VWA8: variants seen among roughly 807,000 people sequenced by gnomAD.
VWA8 encodes the protein von Willebrand factor A domain containing 8.
Under a neutral mutation model 241.5 loss-of-function variants are expected in VWA8, and 221 were observed. The ratio of observed to expected loss-of-function variants is 0.91; its 90% CI spans 0.82 to 1.02. The LOEUF (loss-of-function observed/expected upper bound fraction) is 1.02. VWA8 is among the 50% of genes least tolerant of loss of function. The probability of loss-of-function intolerance (pLI) is 0.00; values close to 1 mark genes in which losing one functional copy is unlikely to be tolerated. For missense variants in VWA8, 2,322 were observed against 2,328.7 expected (o/e 1.00, Z 0.06); for synonymous variants, 852 against 827.1 (o/e 1.03, Z -0.52).
chr13:41,784,017 T>C lies in VWA8; in HGVS notation c.2171-116A>G. The C allele has an allele frequency of 5.7e-6, 4 of 706,668 alleles. No homozygotes were observed. The South Asian group carries it at 7.0e-5, about 12-fold the overall frequency. 43.8% of individuals were successfully genotyped at this position (706,668 alleles called of 1,614,324 possible). A position where few individuals can be genotyped will look rare whatever the true frequency, so the allele number is the denominator to read the frequency against. On this transcript the variant is annotated intron_variant, in intron 18 of 44. Coordinates refer to ENST00000379310, the MANE Select transcript of VWA8 (RefSeq NM_015058.2). ...AATATCTGTGGATTTTAATTTAACA[T>C]CTAAAGAAATAAGCTGGAGAGTAGT...
chr13:41,683,678 G>A (rs2045115776), intron 35 of VWA8, among the ~76,000 whole-genome samples: 1 of 152,146 alleles, frequency 6.6e-6, no homozygotes, highest in African/African-American at 2.4e-5. Flanking sequence ...GAAAAGAGTG[G>A]AAGAGGTAAC....
chr13:41,780,987 C>A (rs1403466465), intron 19 of VWA8, among the ~76,000 whole-genome samples: 1 of 152,206 alleles, frequency 6.6e-6, no homozygotes, highest in Admixed American at 6.5e-5. Flanking sequence ...GTCCTCTCCA[C>A]TCTGTCCCCA....
intron 37 of VWA8, among the ~76,000 whole-genome samples, chr13:41,670,198 A>G (rs1402252733): frequency 6.6e-6 from 1 of 152,092 alleles, no homozygotes; most frequent in Non-Finnish European, 1.5e-5. Context: ...TAAGAAAGTA[A>G]CGTGAACAGG....
chr13:41,868,550 A>C, intron 9 of VWA8, 73 bp from the exon 10 acceptor site: 2 of 1,470,838 alleles, frequency 1.4e-6, no homozygotes, highest in Non-Finnish European at 1.8e-6. Flanking sequence ...GACAGATTAC[A>C]CCTTAATTAC....
chr13:41,717,725 T>A (rs2045356622), intron 26 of VWA8, among the ~76,000 whole-genome samples: 1 of 152,058 alleles, frequency 6.6e-6, no homozygotes, highest in Admixed American at 6.6e-5. Context: ...TTATTGCAAT[T>A]AACAGATGAG....
chr13:41,813,315 A>G (rs1486084266), intron 16 of VWA8, among the ~76,000 whole-genome samples: 4 of 152,196 alleles, frequency 2.6e-5, no homozygotes, highest in Non-Finnish European at 5.9e-5. Context: ...AAAGTCCTAC[A>G]GTAAGGTTAT....
intron 21 of VWA8, among the ~76,000 whole-genome samples, chr13:41,737,305 A>T (rs2045533482): frequency 6.6e-6 from 1 of 152,244 alleles, no homozygotes; most frequent in Non-Finnish European, 1.5e-5. Context: ...ACCTATTTTA[A>T]AATGAGTAAT....
chr13:41,600,804 C>T (rs1183275590), intron 40 of VWA8, among the ~76,000 whole-genome samples: 1 of 152,114 alleles, frequency 6.6e-6, no homozygotes, highest in Non-Finnish European at 1.5e-5. Context: ...TCCCTTCCCT[C>T]GCATTCAGTG....
At chr13:41,729,201 T>G (rs1428555679) in intron 23 of VWA8, among the ~76,000 whole-genome samples, 1 of 152,010 alleles carries the variant, frequency 6.6e-6, no homozygotes, top group Non-Finnish European at 1.5e-5. Context: ...AAGTCCAGCT[T>G]TTTTTATTAT....
intron 5 of VWA8, among the ~76,000 whole-genome samples, chr13:41,890,504 A>C (rs1245198233): frequency 1.3e-5 from 2 of 152,200 alleles, no homozygotes; most frequent in East Asian, 3.8e-4. Flanking sequence ...CCCATCTCCC[A>C]AGCCTCTGAA....
chr13:41,867,290 C>T (rs938036471), intron 10 of VWA8, among the ~76,000 whole-genome samples: 1 of 152,182 alleles, frequency 6.6e-6, no homozygotes, highest in African/African-American at 2.4e-5. Context: ...TTCCCTATTC[C>T]GTCTCCTGAA....
intron 17 of VWA8, among the ~76,000 whole-genome samples, chr13:41,792,345 T>C (rs1869497847): frequency 6.6e-6 from 1 of 151,920 alleles, no homozygotes; most frequent in Non-Finnish European, 1.5e-5. Flanking sequence ...GTGGGATAAA[T>C]TGGAAAATCT....
At chr13:41,748,142 T>A (rs2045624748) in intron 21 of VWA8, among the ~76,000 whole-genome samples, 1 of 152,246 alleles carries the variant, frequency 6.6e-6, no homozygotes, top group Admixed American at 6.5e-5. Context: ...TCCCTCTTTT[T>A]CTATTGATTG....
intron 14 of VWA8, among the ~76,000 whole-genome samples, chr13:41,823,999 G>A (rs1871074004): frequency 6.6e-6 from 1 of 152,128 alleles, no homozygotes; most frequent in Non-Finnish European, 1.5e-5. Context: ...GTTCACATAA[G>A]GAAACACTGC....
chr13:41,834,353 G>T (rs1055637783), intron 12 of VWA8, among the ~76,000 whole-genome samples: 1 of 152,154 alleles, frequency 6.6e-6, no homozygotes, highest in African/African-American at 2.4e-5. Context: ...GCAAAGAAAA[G>T]TTAAACACAT....
intron 15 of VWA8, among the ~76,000 whole-genome samples, chr13:41,818,973 C>A (rs1231332554): frequency 1.3e-5 from 2 of 152,094 alleles, no homozygotes; most frequent in African/African-American, 2.4e-5. Flanking sequence ...AATATAGCAT[C>A]CCAGATCTAC....
At chr13:41,815,567 T>C (rs1214974512) in intron 16 of VWA8, among the ~76,000 whole-genome samples, 1 of 152,210 alleles carries the variant, frequency 6.6e-6, no homozygotes, top group East Asian at 1.9e-4. Flanking sequence ...CAAGGAATGC[T>C]GGCAGCCACC....
chr13:41,838,658 C>T (rs576639205), intron 12 of VWA8, among the ~76,000 whole-genome samples: 26 of 151,982 alleles, frequency 1.7e-4, no homozygotes, highest in African/African-American at 6.3e-4. Flanking sequence ...AAAGATGAAA[C>T]TAAGGAAAAA....
chr13:41,776,934 T>C (rs1048079338), intron 20 of VWA8, among the ~76,000 whole-genome samples: 1 of 152,162 alleles, frequency 6.6e-6, no homozygotes, highest in Non-Finnish European at 1.5e-5. Context: ...AAAGAATATG[T>C]ATTATTTTTA....
Sources: gnomAD v4.1 joint callset for allele counts (sites outside exome capture counted in the v4.1 genomes callset) on GRCh38, gnomAD v4.1.1 for gene constraint, MANE v1.5 for transcripts, NCBI Gene and HGNC (gene_info 2026-07-23, HGNC 2026-07-21) for gene names.